Variants in NDUFAB1 observed in about 807,000 individuals in gnomAD.
NDUFAB1 encodes NADH:ubiquinone oxidoreductase subunit AB1, also known as acyl carrier protein, mitochondrial.
Under a neutral mutation model 16.1 loss-of-function variants are expected in NDUFAB1, and 5 were observed. The ratio of observed to expected loss-of-function variants is 0.31; its 90% CI spans 0.16 to 0.65. NDUFAB1 has a LOEUF of 0.65. NDUFAB1 is among the 30% of genes least tolerant of loss of function. The pLI is 0.77. For synonymous variants in NDUFAB1, 85 were observed against 78.4 expected (o/e 1.08, Z -0.44); for missense variants, 187 against 205.3 (o/e 0.91, Z 0.54).
At chr16:23,582,243 T>C (rs748275238) in intron 4 of NDUFAB1, 33 bp downstream of exon 4, 3 of 1,424,894 alleles carry the variant, frequency 2.1e-6, no homozygotes, top group South Asian at 3.1e-5. Flanking sequence ...CAGACAAATC[T>C]ATGGGTGAAC....
chr16:23,584,022 T>A (rs1257285627), intron 3 of NDUFAB1, among the ~76,000 whole-genome samples: 3 of 151,616 alleles, frequency 2.0e-5, no homozygotes, highest in South Asian at 2.1e-4. Context: ...TTAAGGGTGG[T>A]GCAAGATGTG....
Position 23,585,353 on chromosome 16 carries a change from G to C in NDUFAB1, c.362C>G (p.Ala121Gly). The C allele has an allele frequency of 6.2e-7, 1 of 1,612,920 alleles. No homozygotes were observed. The highest frequency in any genetic ancestry group is 8.5e-7 in the Non-Finnish European group (1 of 1,178,952). ...DSLDQVEIIMAMEDEFGFEIP... is the reference protein window; with the variant it reads ...DSLDQVEIIMGMEDEFGFEIP... The stretch of plus-strand genomic sequence containing the variant: ...AGCCTTACCAAATTCGTCTTCCATG[G>C]CCATGATAATCTCCACTTGGTCCAA... Residue 121 changes from alanine to glycine, a missense_variant, in exon 3 of 5, where the codon GCC (alanine) becomes GGC (glycine). By Grantham distance (60) the Ala-to-Gly change is moderately conservative. This residue lies in a region of NDUFAB1 where 20 missense variants were observed against 47.1 expected (regional missense o/e 0.42). Transcript: ENST00000007516.
At chr16:23,592,198 G>A (rs548555857) in intron 1 of NDUFAB1, among the ~76,000 whole-genome samples, 29 of 152,258 alleles carry the variant, frequency 1.9e-4, no homozygotes, top group African/African-American at 7.0e-4. Flanking sequence ...ACGAAATGAG[G>A]TCAGGCGTGG....
chr16:23,595,705 T>C (rs1468485439), intron 1 of NDUFAB1: 1 of 456,524 alleles, frequency 2.2e-6, no homozygotes, highest in African/African-American at 2.0e-5. Context: ...TAGGCCAGTG[T>C]GGCTGCCTCT....
chr16:23,587,864 A>C (rs904720338), intron 1 of NDUFAB1, among the ~76,000 whole-genome samples: 7 of 152,250 alleles, frequency 4.6e-5, no homozygotes, highest in Non-Finnish European at 8.8e-5. Flanking sequence ...CCACCCAAAG[A>C]GGGGATGAGG....
chr16:23,582,396 A>G (rs147328057), intron 3 of NDUFAB1, 21 bp from the exon 4 acceptor site: 3 of 1,534,578 alleles, frequency 2.0e-6, no homozygotes, highest in Non-Finnish European at 1.7e-6. Context: ...AATATACAAC[A>G]ATGTGAGAGA....
rs1225311128 is a variant in NDUFAB1, at chr16:23,587,223, G to A, written c.265C>T (p.Leu89Phe). The A allele has an allele frequency of 6.2e-7, 1 of 1,613,956 alleles. No homozygotes were observed. The part of the protein sequence containing the change: ...IQDRVLYVLK[L>F]YDKIDPEKLS... ...TTCTCTGGGTCAATCTTGTCATAGA[G>A]TTTCAATACGTAAAGAACACGGTCC... is the stretch of plus-strand genomic sequence containing the variant. Residue 89 changes from leucine to phenylalanine, a missense_variant, in exon 2 of 5, where the codon CTC becomes TTC. Leu to Phe is a conservative substitution (Grantham distance 22). This residue lies in a region of NDUFAB1 where 135 missense variants were observed against 129.4 expected (regional missense o/e 1.04). Coordinates refer to ENST00000007516, the MANE Select transcript of NDUFAB1 (RefSeq NM_005003.3).
chr16:23,582,306 T>C lies in NDUFAB1; in HGVS notation c.449A>G (p.Asp150Gly). The stretch of plus-strand genomic sequence containing the variant: ...ACTTTATTCATATACATCCTTCTTA[T>C]CTGCAATGTAATCTACAATTTCTTG... ...CPQEIVDYIA[D>G]KKDVYE Residue 150 changes from aspartate (D) to glycine (G), a missense_variant, in exon 4 of 5, where the codon GAT (aspartate) becomes GGT (glycine). By Grantham distance (94) the Asp-to-Gly change is moderately conservative. This residue lies in a region of NDUFAB1 where 32 missense variants were observed against 28.8 expected (regional missense o/e 1.11). Transcript: ENST00000007516. 1 of 1,570,784 alleles carries C rather than the reference T, an allele frequency of 6.4e-7. No individual in the cohort carries two copies. Among genetic ancestry groups the C allele is most frequent in the Non-Finnish European group, 8.6e-7 (1 of 1,160,376 alleles).
At chr16:23,586,178 G>T (rs947848125) in intron 2 of NDUFAB1, among the ~76,000 whole-genome samples, 1 of 152,038 alleles carries the variant, frequency 6.6e-6, no homozygotes, top group African/African-American at 2.4e-5. Flanking sequence ...CACCCACCTT[G>T]GCCTCCCAAA....
intron 3 of NDUFAB1, among the ~76,000 whole-genome samples, chr16:23,583,114 C>T (rs1014015501): frequency 3.9e-5 from 6 of 152,268 alleles, no homozygotes; most frequent in African/African-American, 1.4e-4. Flanking sequence ...CTCGTTCACT[C>T]AGTGCACAAT....
intron 1 of NDUFAB1, among the ~76,000 whole-genome samples, chr16:23,590,638 C>CTATTTCTTTTTTTTTTTTTTT (rs574003194): frequency 1.5e-5 from 2 of 131,826 alleles, no homozygotes; most frequent in Non-Finnish European, 3.2e-5. Flanking sequence ...CCTCTGGTCT[C>CTATTTCTTTTTTTTTTTTTTT]TTTTTTTTTT....
chr16:23,582,221 A>G (rs752053306), intron 4 of NDUFAB1, 55 bp downstream of exon 4: 30 of 1,373,166 alleles, frequency 2.2e-5, no homozygotes, highest in African/African-American at 7.6e-5. Flanking sequence ...AGTTTCCTTT[A>G]TTGAAGAACC....
At chr16:23,582,448 C>G in intron 3 of NDUFAB1, 73 bp from the exon 4 acceptor site, 1 of 1,416,458 alleles carries the variant, frequency 7.1e-7, no homozygotes, top group Non-Finnish European at 9.2e-7. Context: ...ACACCTGACC[C>G]TTCTACAACA....
chr16:23,595,982 G>A (rs897698652), intron 1 of NDUFAB1, 141 bp downstream of exon 1: 2 of 1,039,528 alleles, frequency 1.9e-6, no homozygotes, highest in South Asian at 1.7e-5. Flanking sequence ...AACACCTTTA[G>A]GCAGCGGGGC....
At chr16:23,590,150 T>C (rs1215227315) in intron 1 of NDUFAB1, among the ~76,000 whole-genome samples, 4 of 152,230 alleles carry the variant, frequency 2.6e-5, no homozygotes, top group Middle Eastern at 3.4e-3. Context: ...GTTGTCAGCA[T>C]TGTCCTCAGC....
rs113603788 is a variant in NDUFAB1 at position 23,589,074 on chromosome 16, C to T, written c.169-1755G>A. Among the ~76,000 whole-genome samples the T allele has an allele frequency of 9.8e-3, 1,494 of 152,008 alleles. 13 individuals carry two copies. Among genetic ancestry groups the T allele is most frequent in the Middle Eastern group, 0.068 (20 of 292 alleles). On this transcript the variant is annotated intron_variant, in intron 1 of 4. Transcript: ENST00000007516. ...CCACACTTTGGGAAGCCGAAGCAGG[C>T]GGATCACGAGGTCAGGAGTTCGACA... is the stretch of plus-strand genomic sequence containing the variant.
chr16:23,582,216 C>T, intron 4 of NDUFAB1, 60 bp downstream of exon 4: 1 of 1,367,396 alleles, frequency 7.3e-7, no homozygotes, highest in Non-Finnish European at 9.5e-7. Flanking sequence ...TCTTAAGTTT[C>T]CTTTATTGAA....
At chr16:23,593,887 T>TA (rs1966300082) in intron 1 of NDUFAB1, among the ~76,000 whole-genome samples, 1 of 149,006 alleles carries the variant, frequency 6.7e-6, no homozygotes, top group Non-Finnish European at 1.5e-5. Context: ...TTTATTTATT[T>TA]ATTTATTTAT....
Position 23,586,891 on chromosome 16 carries a change from G to A in NDUFAB1, c.291+306C>T, listed in dbSNP as rs111866004. 1.8e-4 allele frequency among the ~76,000 whole-genome samples: 27 copies of A among 146,864 alleles called. No individual in the cohort carries two copies. In the South Asian group the frequency reaches 4.6e-3, roughly 25 times the overall value. On this transcript the variant is annotated intron_variant, in intron 2 of 4. Transcript: ENST00000007516. The stretch of plus-strand genomic sequence containing the variant: ...TTGAATTCCCGACCTCAGGTGATCC[G>A]CCCGCCTCGGCCTCCCAAAGTGCTG...
Sources: gnomAD v4.1 joint callset for allele counts (sites outside exome capture counted in the v4.1 genomes callset) on GRCh38, gnomAD v4.1.1 for gene constraint, gnomAD v4.1.1 regional missense constraint, MANE v1.5 for transcripts, NCBI Gene and HGNC (gene_info 2026-07-23, HGNC 2026-07-21) for gene names.